Variants in PLS3 observed in about 807,000 individuals in gnomAD.
PLS3 encodes plastin-3.
PLS3 carries 11 observed loss-of-function variants against 46.5 expected under a neutral mutation model. That is an observed-to-expected ratio of 0.24 (90% CI 0.15 to 0.39). The LOEUF (loss-of-function observed/expected upper bound fraction) is 0.39, where lower values mean the gene tolerates loss of function less well. Among genes scored for constraint, PLS3 ranks in the 10% least tolerant of loss-of-function variants. The pLI, the probability that PLS3 is intolerant of heterozygous loss-of-function variation, is 1.00. For synonymous variants in PLS3, 167 were observed against 162.2 expected (o/e 1.03, Z -0.22); for missense variants, 308 against 461.8 (o/e 0.67, Z 3.05).
intron 1 of PLS3, among the ~76,000 whole-genome samples, chrX:115,587,121 G>A (rs782512996): frequency 1.8e-5 from 2 of 112,324 alleles, no homozygotes; most frequent in Non-Finnish European, 3.8e-5. Context: ...TGATGCAAAA[G>A]CAGTAGTGGG....
intron 5 of PLS3, 25 bp downstream of exon 5, chrX:115,629,992 C>A: frequency 9.1e-7 from 1 of 1,095,065 alleles, no homozygotes; most frequent in Non-Finnish European, 1.2e-6. Context: ...TGTTTTATAT[C>A]CAGATATCCA....
intron 5 of PLS3, among the ~76,000 whole-genome samples, chrX:115,632,278 T>G (rs907399920): frequency 5.4e-5 from 6 of 111,068 alleles, no homozygotes; most frequent in Non-Finnish European, 5.7e-5. Context: ...AGAAAAAAAT[T>G]TATTAGGGCA....
intron 1 of PLS3, among the ~76,000 whole-genome samples, chrX:115,580,372 G>A (rs1225539625): frequency 8.9e-6 from 1 of 112,520 alleles, no homozygotes; most frequent in African/African-American, 3.2e-5. Context: ...TTTTGTGTAA[G>A]GTGTGAAGTT....
intron 2 of PLS3, 107 bp from the exon 3 acceptor site, chrX:115,622,139 A>G: frequency 1.6e-6 from 1 of 606,203 alleles, no homozygotes. Flanking sequence ...ATAAGAAAAT[A>G]TTTTATGTAA....
intron 1 of PLS3, among the ~76,000 whole-genome samples, chrX:115,590,970 C>T (rs1556633014): frequency 9.1e-6 from 1 of 110,292 alleles, no homozygotes; most frequent in Non-Finnish European, 1.9e-5. Context: ...AATCCCGTCT[C>T]TACTAAAAAT....
At chrX:115,590,609 C>A (rs782360890) in intron 1 of PLS3, among the ~76,000 whole-genome samples, 236 of 111,386 alleles carry the variant, frequency 2.1e-3, no homozygotes, top group Non-Finnish European at 4.0e-3. Flanking sequence ...CACCTGAGGT[C>A]AGGAGTTCTA....
At chrX:115,594,672 A>T (rs945068618) in intron 1 of PLS3, among the ~76,000 whole-genome samples, 11 of 107,313 alleles carry the variant, frequency 1.0e-4, no homozygotes, top group African/African-American at 3.4e-4. Flanking sequence ...TCTCTCTCAC[A>T]CACACACACA....
intron 15 of PLS3, among the ~76,000 whole-genome samples, chrX:115,648,298 A>C (rs941046355): frequency 5.4e-5 from 6 of 111,996 alleles, no homozygotes; most frequent in African/African-American, 1.6e-4. Context: ...CATGTATTTT[A>C]ATGCAAATCA....
intron 1 of PLS3, among the ~76,000 whole-genome samples, chrX:115,577,539 G>A (rs1054997455): frequency 4.5e-5 from 5 of 110,449 alleles, no homozygotes; most frequent in East Asian, 2.9e-4. Context: ...GAGTAGTCCC[G>A]TGATCTCGGC....
chrX:115,625,407 T>C (rs1325386455), intron 3 of PLS3, among the ~76,000 whole-genome samples: 1 of 110,613 alleles, frequency 9.0e-6, no homozygotes, highest in Non-Finnish European at 1.9e-5. Context: ...AATACCCTGC[T>C]TTTTAAAATT....
intron 1 of PLS3, among the ~76,000 whole-genome samples, chrX:115,594,122 C>T (rs1556633485): frequency 9.0e-6 from 1 of 111,426 alleles, no homozygotes; most frequent in Non-Finnish European, 1.9e-5. Context: ...TTATACTCTT[C>T]CTACGTGAGT....
At position 115,617,149 on chromosome X, in the gene PLS3, A is replaced by G. The variant is rs782518603; in HGVS notation, c.74-5097A>G. Among the ~76,000 whole-genome samples, 5 of 111,519 alleles carry G rather than the reference A, an allele frequency of 4.5e-5. No homozygotes were observed. The South Asian group carries it at 1.9e-3, about 43-fold the overall frequency. The stretch of plus-strand genomic sequence containing the variant: ...GTGTCTTCCCACAGGGTAGGTACTC[A>G]GTTTGCTCTGGAGGGTGACTCATAC... On this transcript the variant is annotated intron_variant, in intron 2 of 15. Coordinates refer to ENST00000355899, the MANE Select transcript of PLS3 (RefSeq NM_005032.7).
chrX:115,633,977 CT>C (rs1433548486), intron 5 of PLS3, 22 bp from the exon 6 acceptor site: 9 of 856,210 alleles, frequency 1.1e-5, no homozygotes, highest in Non-Finnish European at 1.5e-5. Context: ...TTACATCAGC[CT>C]TTTTTTAAAT....
intron 1 of PLS3, among the ~76,000 whole-genome samples, chrX:115,601,461 T>TAA (rs113779727): frequency 1.1e-5 from 1 of 87,787 alleles, no homozygotes; most frequent in African/African-American, 4.1e-5. Context: ...GCAGATCTGA[T>TAA]AAAAAAAAAA....
intron 1 of PLS3, among the ~76,000 whole-genome samples, chrX:115,606,914 C>T (rs1030922655): frequency 5.0e-4 from 56 of 110,943 alleles, no homozygotes; most frequent in African/African-American, 1.7e-3. Context: ...GCAATCCTCC[C>T]GCAGTGCTGG....
At chrX:115,579,872 A>G (rs2074270470) in intron 1 of PLS3, among the ~76,000 whole-genome samples, 1 of 110,707 alleles carries the variant, frequency 9.0e-6, no homozygotes, top group Non-Finnish European at 1.9e-5. Flanking sequence ...AGCTGGGACT[A>G]CAGGTGCACA....
chrX:115,634,874 C>G lies in PLS3; in HGVS notation c.583-7C>G. ...AGAAGCAAGTGTGTAATTTGGCTGT[C>G]TTGCAGGAAAACTTGAACTTGGCAC... On this transcript the variant is annotated splice_polypyrimidine_tract_variant and splice_region_variant and intron_variant, in intron 6 of 15. Coordinates refer to ENST00000355899, the MANE Select transcript of PLS3 (RefSeq NM_005032.7). 1 of 1,201,620 alleles carries G rather than the reference C, an allele frequency of 8.3e-7. No individual in the cohort carries two copies. The highest frequency in any genetic ancestry group is 1.1e-6 in the Non-Finnish European group (1 of 890,133).
At chrX:115,563,084 T>C (rs1172205982) in intron 1 of PLS3, among the ~76,000 whole-genome samples, 3 of 111,814 alleles carry the variant, frequency 2.7e-5, no homozygotes, top group Non-Finnish European at 5.6e-5. Flanking sequence ...GAAGTCATCC[T>C]ATTACTCATG....
At chrX:115,624,415 C>T (rs1442424599) in intron 3 of PLS3, 1 of 111,388 alleles carries the variant, frequency 9.0e-6, no homozygotes, top group Non-Finnish European at 1.9e-5. Flanking sequence ...TGAGCACTTG[C>T]ATGTTTTCTG....
Sources: gnomAD v4.1 joint callset for allele counts (sites outside exome capture counted in the v4.1 genomes callset) on GRCh38, gnomAD v4.1.1 for gene constraint, MANE v1.5 for transcripts, NCBI Gene and HGNC (gene_info 2026-07-23, HGNC 2026-07-21) for gene names.